Variants in PKNOX2 observed in about 807,000 individuals in gnomAD.
PKNOX2 encodes PBX/knotted 1 homeobox 2.
Under a neutral mutation model 53.1 loss-of-function variants are expected in PKNOX2, and 14 were observed. The observed-to-expected ratio is 0.26, with a 90% CI of 0.17 to 0.41. PKNOX2 has a LOEUF of 0.41. Ranked by LOEUF, PKNOX2 falls within the 10% of genes least tolerant of loss-of-function variation. PKNOX2 has a pLI of 1.00. For synonymous variants in PKNOX2, 257 were observed against 242.8 expected, an observed-to-expected ratio of 1.06 and a Z score of -0.54; for missense variants, 496 against 602.8, an observed-to-expected ratio of 0.82 and a Z score of 1.85.
At chr11:125,323,119 T>A (rs1207659539) in intron 2 of PKNOX2, among the ~76,000 whole-genome samples, 1 of 151,876 alleles carries the variant, frequency 6.6e-6, no homozygotes, top group Admixed American at 6.6e-5. Flanking sequence ...AGGAGAGTTA[T>A]GGATGGAGGC....
intron 1 of PKNOX2, among the ~76,000 whole-genome samples, chr11:125,228,551 A>G (rs1941924094): frequency 6.6e-6 from 1 of 152,126 alleles, no homozygotes; most frequent in Non-Finnish European, 1.5e-5. Context: ...GAGGGAGGGA[A>G]GGTGTTGCTG....
intron 1 of PKNOX2, among the ~76,000 whole-genome samples, chr11:125,232,814 C>A (rs1489924325): frequency 1.3e-5 from 2 of 151,202 alleles, no homozygotes; most frequent in East Asian, 1.9e-4. Flanking sequence ...GGATTTAAAT[C>A]AAATAATCCA....
At chr11:125,345,987 G>A (rs902693706) in intron 3 of PKNOX2, among the ~76,000 whole-genome samples, 3 of 152,306 alleles carry the variant, frequency 2.0e-5, no homozygotes, top group South Asian at 2.1e-4. Flanking sequence ...TGGACGCGGC[G>A]TTGGGGCTGA....
At chr11:125,295,869 G>T (rs1230429461) in intron 2 of PKNOX2, among the ~76,000 whole-genome samples, 1 of 152,136 alleles carries the variant, frequency 6.6e-6, no homozygotes, top group Non-Finnish European at 1.5e-5. Flanking sequence ...ACCGCCGGTA[G>T]CTCGCCCCCG....
intron 5 of PKNOX2, among the ~76,000 whole-genome samples, chr11:125,371,265 C>T (rs1448741581): frequency 6.6e-6 from 1 of 152,004 alleles, no homozygotes; most frequent in African/African-American, 2.4e-5. Flanking sequence ...TGTTTGTGGC[C>T]CAGGAGCAGC....
intron 4 of PKNOX2, 94 bp from the exon 5 acceptor site, chr11:125,367,752 G>A: frequency 2.9e-6 from 4 of 1,377,394 alleles, no homozygotes; most frequent in Non-Finnish European, 2.9e-6. Context: ...TCTCCTCCGG[G>A]CACAGCACAG....
intron 1 of PKNOX2, among the ~76,000 whole-genome samples, chr11:125,175,030 C>T (rs891361887): frequency 1.3e-5 from 2 of 152,108 alleles, no homozygotes; most frequent in Admixed American, 6.5e-5. Context: ...ACTTAGTCTC[C>T]GGCACTGGCA....
intron 6 of PKNOX2, among the ~76,000 whole-genome samples, chr11:125,391,414 G>A (rs76565512): frequency 0.055 from 8,333 of 152,274 alleles, 311 homozygotes; most frequent in African/African-American, 0.098. Context: ...GCATTTGATG[G>A]TGGAGGGAGG....
chr11:125,323,349 T>A (rs1423847689), intron 2 of PKNOX2, among the ~76,000 whole-genome samples: 1 of 152,228 alleles, frequency 6.6e-6, no homozygotes, highest in African/African-American at 2.4e-5. Flanking sequence ...TGCCTTCCAC[T>A]TCTGAAATTC....
intron 1 of PKNOX2, among the ~76,000 whole-genome samples, chr11:125,179,101 G>A (rs576883783): frequency 9.1e-4 from 138 of 152,144 alleles, no homozygotes; most frequent in Middle Eastern, 3.4e-3. Context: ...GTGTCCCCTG[G>A]GCTCAATGAA....
rs965499417 is a variant in PKNOX2 at position 125,315,861 on chromosome 11, A to G, written c.-129-15958A>G. On this transcript the variant is annotated intron_variant, in intron 2 of 12. Transcript: ENST00000298282. ...TAAAGCTGTCCTCTGGCTCTACACT[A>G]CAAGCAGGTACCCTCACATTTACAC... 2.6e-5 allele frequency among the ~76,000 whole-genome samples: 4 copies of G among 152,036 alleles called. No individual in the cohort carries two copies. The East Asian group carries it at 7.7e-4, about 29-fold the overall frequency.
chr11:125,346,312 T>G (rs1193032529), intron 3 of PKNOX2, among the ~76,000 whole-genome samples: 2 of 152,158 alleles, frequency 1.3e-5, no homozygotes, highest in Non-Finnish European at 2.9e-5. Flanking sequence ...CGGTGCTGGC[T>G]GGCCTTTAGA....
At chr11:125,353,061 C>T (rs1009570622) in intron 4 of PKNOX2, among the ~76,000 whole-genome samples, 11 of 152,190 alleles carry the variant, frequency 7.2e-5, no homozygotes, top group African/African-American at 2.7e-4. Context: ...AGACCCATTC[C>T]CATTCCACTC....
At chr11:125,282,339 C>T (rs1946613885) in intron 2 of PKNOX2, among the ~76,000 whole-genome samples, 1 of 152,200 alleles carries the variant, frequency 6.6e-6, no homozygotes, top group African/African-American at 2.4e-5. Context: ...GTGTCATTGA[C>T]AGGTTTAAAT....
intron 10 of PKNOX2, among the ~76,000 whole-genome samples, chr11:125,428,475 A>G (rs753673300): frequency 7.2e-5 from 11 of 152,198 alleles, no homozygotes; most frequent in Admixed American, 2.0e-4. Flanking sequence ...AATAAAATGC[A>G]TGAAAGCATT....
intron 5 of PKNOX2, among the ~76,000 whole-genome samples, chr11:125,369,939 G>C (rs1338176662): frequency 6.6e-6 from 1 of 152,178 alleles, no homozygotes; most frequent in Non-Finnish European, 1.5e-5. Context: ...GAGCAGATTA[G>C]AAATGCAGGC....
At position 125,220,566 on chromosome 11, in the gene PKNOX2, G is replaced by A. The variant is rs1941034981; in HGVS notation, c.-200-14479G>A. 2.0e-5 allele frequency among the ~76,000 whole-genome samples: 3 copies of A among 152,152 alleles called. No homozygotes were observed. In the South Asian group the frequency reaches 6.2e-4, roughly 32 times the overall value. On this transcript the variant is annotated intron_variant, in intron 1 of 12. Transcript: ENST00000298282. ...ACCATTGTGAGATGGGAAGGCCGGAGAGAAGCATGTTGGGGGAAAAGGAAA... is the reference window on the plus strand; with the variant it reads ...ACCATTGTGAGATGGGAAGGCCGGAAAGAAGCATGTTGGGGGAAAAGGAAA...
intron 1 of PKNOX2, among the ~76,000 whole-genome samples, chr11:125,171,380 G>T (rs920071650): frequency 7.2e-5 from 11 of 152,244 alleles, no homozygotes; most frequent in African/African-American, 2.7e-4. Context: ...GAGCTTGCTT[G>T]TGGTGGGGGC....
At chr11:125,177,502 T>C (rs545528974) in intron 1 of PKNOX2, among the ~76,000 whole-genome samples, 36 of 152,324 alleles carry the variant, frequency 2.4e-4, no homozygotes, top group African/African-American at 8.7e-4. Flanking sequence ...TATGTGATCC[T>C]GGGCAACTTC....
Sources: gnomAD v4.1 joint callset for allele counts (sites outside exome capture counted in the v4.1 genomes callset) on GRCh38, gnomAD v4.1.1 for gene constraint, MANE v1.5 for transcripts, NCBI Gene and HGNC (gene_info 2026-07-23, HGNC 2026-07-21) for gene names.